Variants in PCDHGA2 observed in about 807,000 individuals in gnomAD.
PCDHGA2 encodes the protein protocadherin gamma subfamily A, 2.
Under a neutral mutation model 59.2 loss-of-function variants are expected in PCDHGA2, and 40 were observed. That is an observed-to-expected ratio of 0.68 (90% CI 0.52 to 0.88). The LOEUF is 0.88. PCDHGA2 is among the 40% of genes least tolerant of loss of function. The probability of loss-of-function intolerance (pLI) is 0.00; values close to 1 mark genes in which losing one functional copy is unlikely to be tolerated. For synonymous variants in PCDHGA2, 560 were observed against 526.0 expected (o/e 1.06, Z -0.89); for missense variants, 1,226 against 1,204.0 (o/e 1.02, Z -0.27).
At chr5:141,388,291 A>G (rs571418912) in intron 1 of PCDHGA2, 114 of 1,613,582 alleles carry the variant, frequency 7.1e-5, no homozygotes, top group Non-Finnish European at 2.5e-6. Context: ...TTCACGCAAA[A>G]TTCCTTTGAG....
chr5:141,438,955 C>T (rs965336489), intron 1 of PCDHGA2, among the ~76,000 whole-genome samples: 3 of 151,926 alleles, frequency 2.0e-5, no homozygotes, highest in Non-Finnish European at 4.4e-5. Flanking sequence ...CATGAGCCAC[C>T]GCACCCTGCC....
chr5:141,423,260 G>A (rs1402237346), intron 1 of PCDHGA2: 2 of 1,613,996 alleles, frequency 1.2e-6, no homozygotes, highest in South Asian at 1.1e-5. Flanking sequence ...GACCTCGGCA[G>A]CCTCGAGTCT....
At position 141,340,408 on chromosome 5, in the gene PCDHGA2, C is replaced by T. The variant is rs141955016; in HGVS notation, c.1437C>T (p.Pro479=). The T allele has an allele frequency of 7.5e-3, 12,117 of 1,614,160 alleles. 73 individuals are homozygous for T. Among genetic ancestry groups the T allele is most frequent in the Non-Finnish European group, 8.4e-3 (9,933 of 1,180,032 alleles). The part of the protein sequence containing the change: ...ASVFSVTAHD[P]DSNDNAHVTY... ...TCTTCTCAGTGACGGCCCATGACCCCGACAGCAACGACAATGCTCATGTAA... is the reference window on the plus strand; with the variant it reads ...TCTTCTCAGTGACGGCCCATGACCCTGACAGCAACGACAATGCTCATGTAA... The change falls in exon 1 of 4, where the codon CCC becomes CCT. Residue 479 remains proline, a synonymous_variant. Coordinates refer to ENST00000394576, the MANE Select transcript of PCDHGA2 (RefSeq NM_018915.4).
intron 1 of PCDHGA2, chr5:141,345,754 G>C (rs748280514): frequency 1.2e-6 from 2 of 1,614,208 alleles, no homozygotes; most frequent in Non-Finnish European, 1.7e-6. Context: ...GGTTCCACTG[G>C]CGTGGAGCTG....
intron 1 of PCDHGA2, chr5:141,408,778 A>G (rs1261786266): frequency 6.2e-7 from 1 of 1,612,198 alleles, no homozygotes; most frequent in Non-Finnish European, 8.5e-7. Flanking sequence ...GCAAATACCC[A>G]GAGTTATCTC....
rs1229317913 is a variant in PCDHGA2 at position 141,489,752 on chromosome 5, C to T, written c.2425-5055C>T. ...GGCACCAATACTGTGAGCTTTTACACTCTAAGCCCCAACAGCCACTTCTCT... is the reference window on the plus strand; with the variant it reads ...GGCACCAATACTGTGAGCTTTTACATTCTAAGCCCCAACAGCCACTTCTCT... On this transcript the variant is annotated intron_variant, in intron 1 of 3. Transcript: ENST00000394576. The surrounding 1 kb of genome is among the most constrained non-coding windows in gnomAD (Gnocchi z 4.5). 1.2e-6 allele frequency: 2 copies of T among 1,614,018 alleles called. No individual in the cohort carries two copies. Among genetic ancestry groups the T allele is most frequent in the Non-Finnish European group, 1.7e-6 (2 of 1,179,980 alleles).
At chr5:141,347,137 C>CTCTCTCTTTCTTTCTT (rs375338309) in intron 1 of PCDHGA2, among the ~76,000 whole-genome samples, 26 of 113,744 alleles carry the variant, frequency 2.3e-4, no homozygotes, top group African/African-American at 9.6e-4. Flanking sequence ...CTCTGTTTCT[C>CTCTCTCTTTCTTTCTT]TCTTTCTTTC....
intron 1 of PCDHGA2, among the ~76,000 whole-genome samples, chr5:141,469,864 C>T (rs963843852): frequency 6.6e-6 from 1 of 152,218 alleles, no homozygotes; most frequent in African/African-American, 2.4e-5. Flanking sequence ...GGTGCAATGG[C>T]TCACGCCTGT....
At chr5:141,414,285 A>G (rs766515802) in intron 1 of PCDHGA2, 1 of 1,613,634 alleles carries the variant, frequency 6.2e-7, no homozygotes, top group East Asian at 2.2e-5. Context: ...GAACAGTCGT[A>G]GCCCTTTTAA....
chr5:141,487,442 G>A lies in PCDHGA2; in HGVS notation c.2425-7365G>A, dbSNP rs749842864. 1 of 1,613,918 alleles carries A rather than the reference G, an allele frequency of 6.2e-7. No homozygotes were observed. Among genetic ancestry groups the A allele is most frequent in the Non-Finnish European group, 8.5e-7 (1 of 1,179,798 alleles). On this transcript the variant is annotated intron_variant, in intron 1 of 3. Coordinates refer to ENST00000394576, the MANE Select transcript of PCDHGA2 (RefSeq NM_018915.4). The surrounding 1 kb of genome is among the most constrained non-coding windows in gnomAD (Gnocchi z 5.0). ...GATCCTCCGAATCCAGCTAGGGTCA[G>A]ATGACCCTATCAAGTTTGTTGATGT...
Position 141,340,355 on chromosome 5 carries a change from C to T in PCDHGA2, c.1384C>T (p.Pro462Ser), listed in dbSNP as rs141458338. 1 of 1,614,076 alleles carries T rather than the reference C, an allele frequency of 6.2e-7. No individual in the cohort carries two copies. Among genetic ancestry groups the T allele is most frequent in the Non-Finnish European group, 8.5e-7 (1 of 1,180,046 alleles). Residue 462 changes from proline to serine, a missense_variant, in exon 1 of 4, where the codon CCC becomes TCC. By Grantham distance (74) the Pro-to-Ser change is moderately conservative. Coordinates refer to ENST00000394576, the MANE Select transcript of PCDHGA2 (RefSeq NM_018915.4). The part of the protein sequence containing the change: ...FSRTSYSTYI[P>S]ENNPRGASVF... ...CCGCACATCCTACTCCACCTACATTCCCGAAAACAACCCCAGAGGAGCCTC... is the reference window on the plus strand; with the variant it reads ...CCGCACATCCTACTCCACCTACATTTCCGAAAACAACCCCAGAGGAGCCTC...
At chr5:141,469,552 C>T (rs956606902) in intron 1 of PCDHGA2, among the ~76,000 whole-genome samples, 3 of 151,910 alleles carry the variant, frequency 2.0e-5, no homozygotes, top group Non-Finnish European at 4.4e-5. Flanking sequence ...TCCAGCCTGG[C>T]GACAGAGTGA....
intron 1 of PCDHGA2, chr5:141,395,542 T>G (rs1357533541): frequency 1.8e-5 from 3 of 170,278 alleles, no homozygotes; most frequent in South Asian, 8.8e-5. Context: ...TTGCTATTGT[T>G]TGTGTGTGTG....
In PCDHGA2 at chr5:141,491,556, C is replaced by T. The variant is rs2099720720; in HGVS notation, c.2425-3251C>T. The T allele has an allele frequency of 1.2e-6, 2 of 1,613,848 alleles. No homozygotes were observed. The highest frequency in any genetic ancestry group is 1.7e-5 in the Admixed American group (1 of 60,000). ...TGCGGCCCACAGACTCGCAGAGCCA[C>T]TGCTACAGGACGTGCTTTTCACCGG... On this transcript the variant is annotated intron_variant, in intron 1 of 3. Transcript: ENST00000394576. The surrounding 1 kb of genome is among the most constrained non-coding windows in gnomAD (Gnocchi z 6.9).
In PCDHGA2 at chr5:141,432,827, A is replaced by G. The variant is rs758445645; in HGVS notation, c.2425-61980A>G. ...AGCTAACTCTGAAACCTCAGACCTC[A>G]CTCTGTACCTGGTGGTAGCGGTGGC... On this transcript the variant is annotated intron_variant, in intron 1 of 3. Transcript: ENST00000394576. The surrounding 1 kb of genome is among the most constrained non-coding windows in gnomAD (Gnocchi z 6.0). 9 of 1,613,142 alleles carry G rather than the reference A, an allele frequency of 5.6e-6. No individual in the cohort carries two copies. Among genetic ancestry groups the G allele is most frequent in the Admixed American group, 1.7e-5 (1 of 59,958 alleles).
Position 141,432,938 on chromosome 5 carries a change from G to C in PCDHGA2, c.2425-61869G>C. ...CTGGCACAAGTCACGCCTGCTGCAG[G>C]CTTCAGGAGGCGGCTTGACAGGAGC... On this transcript the variant is annotated intron_variant, in intron 1 of 3. Transcript: ENST00000394576. The surrounding 1 kb of genome is among the most constrained non-coding windows in gnomAD (Gnocchi z 6.0). 2 of 1,614,192 alleles carry C rather than the reference G, an allele frequency of 1.2e-6. No homozygotes were observed. Among genetic ancestry groups the C allele is most frequent in the South Asian group, 2.2e-5 (2 of 91,086 alleles).
intron 1 of PCDHGA2, chr5:141,424,602 T>G (rs2154550827): frequency 6.6e-6 from 1 of 152,334 alleles, no homozygotes; most frequent in African/African-American, 2.4e-5. Flanking sequence ...GTCTACAGAT[T>G]TATTCAAATA....
intron 1 of PCDHGA2, chr5:141,372,633 A>G: frequency 6.2e-7 from 1 of 1,613,996 alleles, no homozygotes; most frequent in South Asian, 1.1e-5. Context: ...CAGCGAAAGG[A>G]CTTTGCCTTA....
At chr5:141,430,743 T>C in intron 1 of PCDHGA2, 1 of 1,498,372 alleles carries the variant, frequency 6.7e-7, no homozygotes, top group Non-Finnish European at 8.9e-7. Flanking sequence ...TGAAAATAAT[T>C]CTGGAGGAAG....
Sources: allele counts gnomAD v4.1 joint callset (sites outside exome capture counted in the v4.1 genomes callset), GRCh38; gene constraint gnomAD v4.1.1; non-coding constraint Gnocchi (gnomAD v3.1); transcripts MANE v1.5; gene names NCBI Gene and HGNC (gene_info 2026-07-23, HGNC 2026-07-21).